Variants in MELK observed in about 807,000 individuals in gnomAD.
MELK encodes the protein pEg3 kinase.
In MELK, 81 loss-of-function variants were observed where a neutral mutation model predicts 85.0. The ratio of observed to expected loss-of-function variants is 0.95; its 90% CI spans 0.80 to 1.15. The LOEUF (loss-of-function observed/expected upper bound fraction) is 1.15. MELK is among the 50% of genes most tolerant of loss of function. The pLI is 0.00. For synonymous variants in MELK, 252 were observed against 265.0 expected, an observed-to-expected ratio of 0.95 and a Z score of 0.48; for missense variants, 754 against 777.5, an observed-to-expected ratio of 0.97 and a Z score of 0.36.
At chr9:36,655,187 A>G (rs970991095) in intron 12 of MELK, among the ~76,000 whole-genome samples, 14 of 152,184 alleles carry the variant, frequency 9.2e-5, no homozygotes, top group African/African-American at 3.1e-4. Flanking sequence ...GTCAAGACAT[A>G]TATATACATA....
chr9:36,598,793 G>T (rs1824581695), intron 6 of MELK, among the ~76,000 whole-genome samples: 1 of 152,176 alleles, frequency 6.6e-6, no homozygotes, highest in African/African-American at 2.4e-5. Context: ...GCTTATTTAT[G>T]TATGTGGGTA....
At chr9:36,669,466 C>A in intron 15 of MELK, 60 bp downstream of exon 15, 2 of 1,218,202 alleles carry the variant, frequency 1.6e-6, no homozygotes, top group East Asian at 2.5e-5. Context: ...TTTCCTTTTT[C>A]ATGTATTAAT....
chr9:36,646,803 C>G (rs1051083223), intron 11 of MELK, among the ~76,000 whole-genome samples: 1 of 152,204 alleles, frequency 6.6e-6, no homozygotes, highest in African/African-American at 2.4e-5. Context: ...GTGTCTGTGC[C>G]CCTCTGCACT....
At chr9:36,660,803 C>T (rs1210049898) in intron 13 of MELK, among the ~76,000 whole-genome samples, 2 of 151,744 alleles carry the variant, frequency 1.3e-5, no homozygotes, top group Non-Finnish European at 2.9e-5. Flanking sequence ...ACCTACCTGA[C>T]CAACATGGAG....
At chr9:36,605,953 TAAAA>T (rs554431255) in intron 7 of MELK, among the ~76,000 whole-genome samples, 1 of 128,410 alleles carries the variant, frequency 7.8e-6, no homozygotes, top group Non-Finnish European at 1.7e-5. Context: ...ACCCTGTCTC[TAAAA>T]AAAAAAAAAA....
chr9:36,655,644 G>A (rs1396256984), intron 12 of MELK, among the ~76,000 whole-genome samples: 6 of 152,162 alleles, frequency 3.9e-5, no homozygotes, highest in Non-Finnish European at 7.4e-5. Flanking sequence ...TGGTGTATAC[G>A]ATTGTTTAGT....
At chr9:36,584,578 G>A (rs1421420779) in intron 3 of MELK, among the ~76,000 whole-genome samples, 1 of 130,086 alleles carries the variant, frequency 7.7e-6, no homozygotes, top group Non-Finnish European at 1.6e-5. Flanking sequence ...CGTGAACCGC[G>A]TGCCTCGACC....
At chr9:36,583,467 A>G (rs1822475801) in intron 2 of MELK, among the ~76,000 whole-genome samples, 160 bp from the exon 3 acceptor site, 2 of 151,472 alleles carry the variant, frequency 1.3e-5, no homozygotes, top group East Asian at 1.9e-4. Context: ...AAAAAAAAAA[A>G]CCTTCAGCTA....
At chr9:36,617,408 T>C (rs923413994) in intron 8 of MELK, among the ~76,000 whole-genome samples, 2 of 151,988 alleles carry the variant, frequency 1.3e-5, no homozygotes, top group African/African-American at 4.8e-5. Flanking sequence ...TCATAGTTCA[T>C]TGCAACCTCA....
intron 3 of MELK, among the ~76,000 whole-genome samples, chr9:36,587,255 C>T (rs535875383): frequency 1.3e-5 from 2 of 152,132 alleles, no homozygotes; most frequent in East Asian, 3.9e-4. Context: ...GACATGATAT[C>T]TAGTTGCATA....
chr9:36,619,439 T>G (rs922925826), intron 8 of MELK, among the ~76,000 whole-genome samples: 3 of 152,206 alleles, frequency 2.0e-5, no homozygotes, highest in African/African-American at 7.2e-5. Context: ...TTGGCATTCT[T>G]CTGTAAACAT....
At chr9:36,604,927 G>A (rs938668588) in intron 7 of MELK, among the ~76,000 whole-genome samples, 4 of 151,862 alleles carry the variant, frequency 2.6e-5, no homozygotes, top group Non-Finnish European at 5.9e-5. Flanking sequence ...ATGGGTGTGA[G>A]CCACTGCGCC....
intron 3 of MELK, among the ~76,000 whole-genome samples, chr9:36,587,921 C>A (rs1468238796): frequency 6.6e-6 from 1 of 151,958 alleles, no homozygotes; most frequent in Non-Finnish European, 1.5e-5. Flanking sequence ...GCCACCATGC[C>A]TGGCTAATTT....
chr9:36,647,929 C>A (rs1019331953), intron 11 of MELK, among the ~76,000 whole-genome samples: 1 of 152,028 alleles, frequency 6.6e-6, no homozygotes, highest in African/African-American at 2.4e-5. Context: ...ATACTATGAT[C>A]GTGGCCATCT....
chr9:36,639,895 T>C (rs1347816936), intron 10 of MELK, among the ~76,000 whole-genome samples: 2 of 152,158 alleles, frequency 1.3e-5, no homozygotes, highest in African/African-American at 4.8e-5. Context: ...GGAGGGAACC[T>C]CAAAAATTTA....
chr9:36,627,258 CAG>C (rs1285958432), intron 8 of MELK, among the ~76,000 whole-genome samples: 1 of 152,072 alleles, frequency 6.6e-6, no homozygotes, highest in African/African-American at 2.4e-5. Context: ...ATGGATCACT[CAG>C]AGTCCTAAGA....
intron 3 of MELK, among the ~76,000 whole-genome samples, chr9:36,585,862 T>C (rs915009828): frequency 2.0e-5 from 3 of 151,870 alleles, no homozygotes; most frequent in Non-Finnish European, 2.9e-5. Flanking sequence ...CCCTTGAGCC[T>C]AGGAGGTTGA....
intron 8 of MELK, among the ~76,000 whole-genome samples, chr9:36,612,297 T>C (rs1386110502): frequency 6.6e-6 from 1 of 152,168 alleles, no homozygotes; most frequent in Admixed American, 6.5e-5. Context: ...GGTTTTGCCA[T>C]GTTGGCCAAG....
intron 1 of MELK, among the ~76,000 whole-genome samples, chr9:36,573,583 G>A (rs960799877): frequency 2.0e-5 from 3 of 152,044 alleles, no homozygotes; most frequent in Non-Finnish European, 4.4e-5. Flanking sequence ...TCGGCTCACC[G>A]CAACCTCCGC....
Sources: gnomAD v4.1 joint callset for allele counts (sites outside exome capture counted in the v4.1 genomes callset) on GRCh38, gnomAD v4.1.1 for gene constraint, MANE v1.5 for transcripts, NCBI Gene and HGNC (gene_info 2026-07-23, HGNC 2026-07-21) for gene names.